CTNNA3: variants seen among roughly 807,000 people sequenced by gnomAD.
CTNNA3 encodes catenin alpha 3.
Under a neutral mutation model 95.7 loss-of-function variants are expected in CTNNA3, and 76 were observed. The observed-to-expected ratio is 0.79, with a 90% CI of 0.66 to 0.96. CTNNA3 has a LOEUF of 0.96. Among genes scored for constraint, CTNNA3 ranks in the 40% least tolerant of loss-of-function variants. CTNNA3 has a pLI of 0.00. For synonymous variants in CTNNA3, 431 were observed against 374.4 expected (o/e 1.15, Z -1.74); for missense variants, 1,191 against 1,089.8 (o/e 1.09, Z -1.31).
At chr10:66,775,764 A>AGTGTGAC (rs1490497708) in intron 7 of CTNNA3, among the ~76,000 whole-genome samples, 3 of 152,160 alleles carry the variant, frequency 2.0e-5, no homozygotes, top group African/African-American at 7.2e-5. Context: ...GGTTGTATTC[A>AGTGTGAC]GTGTGACAAT....
chr10:67,387,076 G>A (rs12248350), intron 5 of CTNNA3, among the ~76,000 whole-genome samples: 1 of 152,134 alleles, frequency 6.6e-6, no homozygotes, highest in Non-Finnish European at 1.5e-5. Context: ...GAATAGGAAC[G>A]GCTCTGGTCT....
At chr10:66,692,781 A>G (rs1847600888) in intron 9 of CTNNA3, among the ~76,000 whole-genome samples, 2 of 152,216 alleles carry the variant, frequency 1.3e-5, no homozygotes, top group Admixed American at 6.5e-5. Context: ...AAACTCTACA[A>G]GCCAGAAGAG....
intron 1 of CTNNA3, among the ~76,000 whole-genome samples, chr10:67,718,854 T>A (rs1463277747): frequency 6.6e-6 from 1 of 152,142 alleles, no homozygotes; most frequent in Non-Finnish European, 1.5e-5. Flanking sequence ...TTGTCTATTG[T>A]TTGGAATAGT....
At chr10:66,311,834 G>GTC (rs1332347953) in intron 12 of CTNNA3, among the ~76,000 whole-genome samples, 1 of 152,112 alleles carries the variant, frequency 6.6e-6, no homozygotes, top group Non-Finnish European at 1.5e-5. Context: ...GAATTTCAGG[G>GTC]TCCTGATTTT....
chr10:67,185,466 T>C (rs1387437686), intron 6 of CTNNA3, among the ~76,000 whole-genome samples: 2 of 151,932 alleles, frequency 1.3e-5, no homozygotes, highest in Admixed American at 1.3e-4. Context: ...AGTCTCTCCA[T>C]TTTTCTGTCT....
chr10:66,342,123 T>C (rs2092460254), intron 12 of CTNNA3, among the ~76,000 whole-genome samples: 1 of 152,032 alleles, frequency 6.6e-6, no homozygotes, highest in African/African-American at 2.4e-5. Context: ...CATGTGTTAG[T>C]CCTTATCTAG....
rs1326045763 is a variant in CTNNA3, at chr10:67,358,483, TGAA to T, written c.580-138616_580-138614del. Among the ~76,000 whole-genome samples, 7 of 152,150 alleles carry T rather than the reference TGAA, an allele frequency of 4.6e-5. No homozygotes were observed. The South Asian group carries it at 1.2e-3, about 27-fold the overall frequency. Reference sequence around the variant, plus strand: ...AAAAAAGAACCACAGACACCCAGTTTGAAGAAGGAGGAAGCTAGGAAGCCTACA... The same window carrying T: ...AAAAAAGAACCACAGACACCCAGTTTGAAGGAGGAAGCTAGGAAGCCTACA... On this transcript the variant is annotated intron_variant, in intron 5 of 17. Transcript: ENST00000433211.
chr10:66,490,952 T>C (rs1409653035), intron 11 of CTNNA3, among the ~76,000 whole-genome samples: 1 of 152,194 alleles, frequency 6.6e-6, no homozygotes, highest in African/African-American at 2.4e-5. Flanking sequence ...TGTTTCATTA[T>C]TTGCTACCAA....
intron 8 of CTNNA3, among the ~76,000 whole-genome samples, chr10:66,770,909 C>A (rs1461294213): frequency 6.6e-6 from 1 of 151,822 alleles, no homozygotes; most frequent in East Asian, 1.9e-4. Context: ...TAATTTAAAT[C>A]AAATAGCAAA....
At chr10:67,638,572 C>T (rs1413399977) in intron 2 of CTNNA3, among the ~76,000 whole-genome samples, 1 of 152,188 alleles carries the variant, frequency 6.6e-6, no homozygotes, top group Non-Finnish European at 1.5e-5. Context: ...CTCAGCACCG[C>T]ACTGCACTTA....
At chr10:66,639,944 T>C (rs1368512053) in intron 9 of CTNNA3, among the ~76,000 whole-genome samples, 1 of 152,128 alleles carries the variant, frequency 6.6e-6, no homozygotes, top group Admixed American at 6.5e-5. Context: ...ACAATTATAC[T>C]ACGGATGAAC....
chr10:67,131,195 G>T (rs1397714731), intron 7 of CTNNA3, among the ~76,000 whole-genome samples: 1 of 152,014 alleles, frequency 6.6e-6, no homozygotes, highest in East Asian at 1.9e-4. Context: ...GCTCTAGGAA[G>T]CCTTTTCTGA....
intron 7 of CTNNA3, among the ~76,000 whole-genome samples, chr10:67,140,431 A>G (rs991015207): frequency 6.6e-6 from 1 of 152,176 alleles, no homozygotes; most frequent in Non-Finnish European, 1.5e-5. Flanking sequence ...GATTTATATT[A>G]ATAATTACAT....
intron 8 of CTNNA3, 128 bp downstream of exon 8, chr10:66,775,316 T>C: frequency 3.6e-6 from 2 of 554,004 alleles, no homozygotes; most frequent in East Asian, 3.1e-5. Flanking sequence ...GGAAAGTATA[T>C]ATTTACTCTT....
intron 13 of CTNNA3, among the ~76,000 whole-genome samples, chr10:66,206,983 G>T (rs919508029): frequency 6.6e-6 from 1 of 151,734 alleles, no homozygotes; most frequent in Non-Finnish European, 1.5e-5. Flanking sequence ...CTTTCTAATG[G>T]CAGTCTCTTG....
intron 14 of CTNNA3, among the ~76,000 whole-genome samples, chr10:66,095,089 G>T (rs1351976976): frequency 6.6e-6 from 1 of 152,076 alleles, no homozygotes; most frequent in Non-Finnish European, 1.5e-5. Context: ...AAATTTGTAG[G>T]CCTCCCAATA....
intron 11 of CTNNA3, among the ~76,000 whole-genome samples, chr10:66,455,411 T>G (rs1473385039): frequency 6.6e-6 from 1 of 152,070 alleles, no homozygotes; most frequent in African/African-American, 2.4e-5. Flanking sequence ...AAGGTTATAG[T>G]GAGGTAGGAG....
Position 66,443,746 on chromosome 10 carries a change from A to T in CTNNA3, c.1532-64394T>A, listed in dbSNP as rs576009933. Among the ~76,000 whole-genome samples the T allele has an allele frequency of 1.2e-3, 181 of 152,210 alleles. 2 individuals carry two copies. Among genetic ancestry groups the T allele is most frequent in the Admixed American group, 2.2e-3 (33 of 15,296 alleles). On this transcript the variant is annotated intron_variant, in intron 11 of 17. Coordinates refer to ENST00000433211, the MANE Select transcript of CTNNA3 (RefSeq NM_013266.4). ...GGAAAAAACAGAGCAGAAAAACCAG[A>T]AACTCTAAAAAGCAGAGCACCTCTC...
rs1247071541 is a variant in CTNNA3, at chr10:66,763,335, C to CAGAGAG, written c.1281+2928_1281+2929insCTCTCT. Among the ~76,000 whole-genome samples the CAGAGAG allele has an allele frequency of 7.3e-3, 826 of 113,394 alleles. 5 individuals carry two copies. Among genetic ancestry groups the CAGAGAG allele is most frequent in the South Asian group, 7.6e-3 (23 of 3,032 alleles). The allele number at this position is 113,394 out of a possible 152,430, so 74.4% of individuals were successfully genotyped here. A position where few individuals can be genotyped will look rare whatever the true frequency, so the allele number is the denominator to read the frequency against. ...ACACACACACACACACACACACACA[C>CAGAGAG]ACACACAGAGAGAGAGAGGGAGAGA... On this transcript the variant is annotated intron_variant, in intron 9 of 17. Coordinates refer to ENST00000433211, the MANE Select transcript of CTNNA3 (RefSeq NM_013266.4).
Sources: gnomAD v4.1 joint callset for allele counts (sites outside exome capture counted in the v4.1 genomes callset) on GRCh38, gnomAD v4.1.1 for gene constraint, MANE v1.5 for transcripts, NCBI Gene and HGNC (gene_info 2026-07-23, HGNC 2026-07-21) for gene names.